The following ITSN1 variants were observed in gnomAD, a reference collection of about 807,000 sequenced individuals.
ITSN1 encodes intersectin-1.
In ITSN1, 58 loss-of-function variants were observed where a neutral mutation model predicts 239.8. That is an observed-to-expected ratio of 0.24 (90% CI 0.20 to 0.30). ITSN1 has a LOEUF of 0.30. Among genes scored for constraint, ITSN1 ranks in the 10% least tolerant of loss-of-function variants. The pLI is 1.00. For missense variants in ITSN1, 1,558 were observed against 2,103.3 expected, an observed-to-expected ratio of 0.74 and a Z score of 5.07; for synonymous variants, 780 against 770.8, an observed-to-expected ratio of 1.01 and a Z score of -0.20.
At chr21:33,675,363 A>C (rs995954057) in intron 1 of ITSN1, among the ~76,000 whole-genome samples, 3 of 152,062 alleles carry the variant, frequency 2.0e-5, no homozygotes, top group Admixed American at 6.6e-5. Flanking sequence ...GGAGACCGAG[A>C]CCGTCCTAGC....
At chr21:33,846,088 A>T (rs897193944) in intron 29 of ITSN1, among the ~76,000 whole-genome samples, 4 of 152,136 alleles carry the variant, frequency 2.6e-5, no homozygotes, top group African/African-American at 9.7e-5. Flanking sequence ...GCTTGGGTCC[A>T]GGGACTTCCT....
At chr21:33,708,238 G>A (rs2092309151) in intron 1 of ITSN1, among the ~76,000 whole-genome samples, 1 of 152,156 alleles carries the variant, frequency 6.6e-6, no homozygotes, top group African/African-American at 2.4e-5. Context: ...GAGTTCTTTA[G>A]ATATTGTGGA....
At chr21:33,712,407 G>A (rs563466136) in intron 1 of ITSN1, among the ~76,000 whole-genome samples, 2 of 152,236 alleles carry the variant, frequency 1.3e-5, no homozygotes, top group South Asian at 4.2e-4. Flanking sequence ...GTGGACAGGG[G>A]TTCCTTTCTC....
intron 29 of ITSN1, chr21:33,837,526 T>C: frequency 1.0e-6 from 1 of 985,910 alleles, no homozygotes; most frequent in Non-Finnish European, 1.2e-6. Flanking sequence ...TTGGGGCTTT[T>C]CCCCCTTACC....
At chr21:33,694,592 G>A (rs1187787795) in intron 1 of ITSN1, among the ~76,000 whole-genome samples, 1 of 152,022 alleles carries the variant, frequency 6.6e-6, no homozygotes, top group Admixed American at 6.6e-5. Flanking sequence ...AGGCCGAGGC[G>A]GGCAGATCAC....
At chr21:33,775,669 A>G (rs1365149214) in intron 14 of ITSN1, among the ~76,000 whole-genome samples, 2 of 152,212 alleles carry the variant, frequency 1.3e-5, no homozygotes, top group Non-Finnish European at 1.5e-5. Context: ...GATGCCAGTT[A>G]CAGCAAGGAG....
chr21:33,896,548 G>A lies in ITSN1; in HGVS notation c.*8248G>A, dbSNP rs1046371922. 5 of 152,394 alleles carry A rather than the reference G, an allele frequency of 3.3e-5. No individual in the cohort carries two copies. The highest frequency in any genetic ancestry group is 9.6e-5 in the African/African-American group (4 of 41,574). The allele number at this position is 152,394 out of a possible 1,614,324, so 9.4% of individuals were successfully genotyped here. A position where few individuals can be genotyped will look rare whatever the true frequency, so the allele number is the denominator to read the frequency against. On this transcript the variant is annotated 3_prime_UTR_variant, in exon 40 of 40. Transcript: ENST00000381318. ...AGCTGGGCCACACGATCTGGTCTGC[G>A]GGTGTCTGGGAGGAACCTGCTTCGG... is the stretch of plus-strand genomic sequence containing the variant.
At chr21:33,687,701 G>T (rs1171221797) in intron 1 of ITSN1, among the ~76,000 whole-genome samples, 1 of 152,188 alleles carries the variant, frequency 6.6e-6, no homozygotes, top group Admixed American at 6.5e-5. Flanking sequence ...AGGGACAGTT[G>T]TTCGTAGCTT....
intron 27 of ITSN1, among the ~76,000 whole-genome samples, chr21:33,831,640 C>T (rs1221257824): frequency 3.9e-5 from 6 of 152,082 alleles, no homozygotes; most frequent in African/African-American, 7.2e-5. Flanking sequence ...GGGAAGGCCT[C>T]GGGTCTCACA....
intron 19 of ITSN1, among the ~76,000 whole-genome samples, chr21:33,801,356 A>G (rs2071987950): frequency 6.6e-6 from 1 of 152,214 alleles, no homozygotes; most frequent in Admixed American, 6.5e-5. Context: ...AGAAATAACA[A>G]TATGTTTGGC....
At chr21:33,778,522 A>G (rs1255756574) in intron 14 of ITSN1, among the ~76,000 whole-genome samples, 1 of 140,662 alleles carries the variant, frequency 7.1e-6, no homozygotes, top group Non-Finnish European at 1.5e-5. Context: ...ACTTGTTTAT[A>G]TTATCTAAAT....
intron 19 of ITSN1, among the ~76,000 whole-genome samples, chr21:33,800,623 CTAA>C (rs1481164376): frequency 1.3e-5 from 2 of 151,964 alleles, no homozygotes; most frequent in East Asian, 3.9e-4. Flanking sequence ...TTTCCTTGAA[CTAA>C]TAATCATTTT....
intron 33 of ITSN1, among the ~76,000 whole-genome samples, chr21:33,867,566 C>T (rs566761574): frequency 2.0e-5 from 3 of 151,266 alleles, no homozygotes; most frequent in South Asian, 2.1e-4. Context: ...TTTGGGAGGC[C>T]GAGGTGGGCA....
intron 29 of ITSN1, among the ~76,000 whole-genome samples, chr21:33,853,122 C>A (rs1978640617): frequency 6.6e-6 from 1 of 152,182 alleles, no homozygotes; most frequent in Non-Finnish European, 1.5e-5. Flanking sequence ...TGATTCCAAG[C>A]CAACATCATT....
At chr21:33,847,251 G>A (rs115914867) in intron 29 of ITSN1, among the ~76,000 whole-genome samples, 5 of 152,300 alleles carry the variant, frequency 3.3e-5, no homozygotes, top group South Asian at 2.1e-4. Context: ...TCCAGGAACC[G>A]GTCAGCCAAG....
chr21:33,667,195 A>G (rs979010763), intron 1 of ITSN1, among the ~76,000 whole-genome samples: 1 of 151,058 alleles, frequency 6.6e-6, no homozygotes, highest in African/African-American at 2.4e-5. Context: ...CAAACGCTCT[A>G]TAATATATGA....
chr21:33,838,310 T>C (rs1436574943), intron 29 of ITSN1: 1 of 985,422 alleles, frequency 1.0e-6, no homozygotes, highest in Non-Finnish European at 1.2e-6. Flanking sequence ...GGTGGTCGTG[T>C]AGAGGTCCTT....
rs185577503 is a variant in ITSN1 at position 33,888,037 on chromosome 21, C to T, written c.5018-115C>T. 6,168 of 1,020,256 alleles carry T rather than the reference C, an allele frequency of 6.0e-3. 47 individuals are homozygous for T. Among genetic ancestry groups the T allele is most frequent in the South Asian group, 0.012 (729 of 59,956 alleles). 63.2% of individuals were successfully genotyped at this position (1,020,256 alleles called of 1,614,324 possible). On this transcript the variant is annotated intron_variant, in intron 39 of 39. Transcript: ENST00000381318. ...ATCCTAGTGTTGGTTTACATCAGAG[C>T]CCAGAGAAGAAGGGAGAGCATAACA...
At chr21:33,745,488 T>C (rs1490774996) in intron 5 of ITSN1, among the ~76,000 whole-genome samples, 1 of 152,156 alleles carries the variant, frequency 6.6e-6, no homozygotes, top group Non-Finnish European at 1.5e-5. Context: ...TAACCAAAGG[T>C]ATATAACATC....
Sources: gnomAD v4.1 joint callset for allele counts (sites outside exome capture counted in the v4.1 genomes callset) on GRCh38, gnomAD v4.1.1 for gene constraint, MANE v1.5 for transcripts, NCBI Gene and HGNC (gene_info 2026-07-23, HGNC 2026-07-21) for gene names.